CNOT4: variants seen among roughly 807,000 people sequenced by gnomAD.
CNOT4 encodes CCR4-associated factor 4.
CNOT4 carries 8 observed loss-of-function variants against 73.8 expected under a neutral mutation model. That is an observed-to-expected ratio of 0.11 (90% CI 0.06 to 0.20). The LOEUF is 0.20. Ranked by LOEUF, CNOT4 falls within the 10% of genes least tolerant of loss-of-function variation. The probability of loss-of-function intolerance (pLI) is 1.00; values close to 1 mark genes in which losing one functional copy is unlikely to be tolerated. For synonymous variants in CNOT4, 293 were observed against 321.1 expected (o/e 0.91, Z 0.94); for missense variants, 564 against 883.4 (o/e 0.64, Z 4.58).
chr7:135,481,998 G>T (rs1461236041), intron 1 of CNOT4, among the ~76,000 whole-genome samples: 1 of 152,116 alleles, frequency 6.6e-6, no homozygotes, highest in Non-Finnish European at 1.5e-5. Context: ...TCAAATAGAA[G>T]AAATAACTTC....
intron 2 of CNOT4, among the ~76,000 whole-genome samples, chr7:135,429,815 G>A (rs931802214): frequency 5.9e-5 from 9 of 152,138 alleles, no homozygotes; most frequent in African/African-American, 9.7e-5. Context: ...AAATAAGACC[G>A]ATGAATACCA....
intron 7 of CNOT4, among the ~76,000 whole-genome samples, chr7:135,409,466 A>T (rs1245502684): frequency 6.6e-6 from 1 of 152,110 alleles, no homozygotes; most frequent in Non-Finnish European, 1.5e-5. Flanking sequence ...TTTAGTTTTT[A>T]ATAATTTAAA....
intron 1 of CNOT4, among the ~76,000 whole-genome samples, chr7:135,462,502 G>A (rs1398129739): frequency 6.6e-6 from 1 of 152,174 alleles, no homozygotes; most frequent in African/African-American, 2.4e-5. Context: ...AAGACTGGAG[G>A]AGAGTTATCA....
chr7:135,462,385 G>T (rs1421963279), intron 1 of CNOT4, among the ~76,000 whole-genome samples: 1 of 151,946 alleles, frequency 6.6e-6, no homozygotes, highest in Non-Finnish European at 1.5e-5. Flanking sequence ...CCTTATTCTG[G>T]TCTACTCTAA....
At chr7:135,429,464 T>C (rs1798692790) in intron 2 of CNOT4, among the ~76,000 whole-genome samples, 1 of 152,210 alleles carries the variant, frequency 6.6e-6, no homozygotes, top group Non-Finnish European at 1.5e-5. Context: ...TTTACTACCA[T>C]ATCTCTAAAT....
At position 135,362,730 on chromosome 7, in the gene CNOT4, A is replaced by G. The variant is rs764226013; in HGVS notation, c.*155T>C. The G allele has an allele frequency of 1.6e-5, 13 of 792,890 alleles. No individual in the cohort carries two copies. The highest frequency in any genetic ancestry group is 2.5e-5 in the Non-Finnish European group (11 of 441,504). The allele number at this position is 792,890 out of a possible 1,614,324, so 49.1% of individuals were successfully genotyped here. On this transcript the variant is annotated 3_prime_UTR_variant, in exon 12 of 12. Coordinates refer to ENST00000541284, the MANE Select transcript of CNOT4 (RefSeq NM_001190850.2). Reference sequence around the variant, plus strand: ...ATAAAGAGATGGTAATGACCCTGTGATCGCATTGCATCTGGGGTTAGGGAG... The same window carrying G: ...ATAAAGAGATGGTAATGACCCTGTGGTCGCATTGCATCTGGGGTTAGGGAG...
chr7:135,453,861 G>A (rs1800354955), intron 1 of CNOT4, among the ~76,000 whole-genome samples: 1 of 94,448 alleles, frequency 1.1e-5, no homozygotes, highest in Non-Finnish European at 2.4e-5. Flanking sequence ...ATATATAGCT[G>A]GTACAGCAGC....
At position 135,510,097 on chromosome 7, in the gene CNOT4, T is replaced by G. The variant is rs1396078026; in HGVS notation, c.-301A>C. ...CCACCATCTTACATTAGGGTAAGAC[T>G]CCTCCGGCCTCCCGTGCGCAGGCGC... is the stretch of plus-strand genomic sequence containing the variant. On this transcript the variant is annotated 5_prime_UTR_variant, in exon 1 of 12. Transcript: ENST00000541284. 3 of 398,346 alleles carry G rather than the reference T, an allele frequency of 7.5e-6. No individual in the cohort carries two copies. The highest frequency in any genetic ancestry group is 2.1e-5 in the African/African-American group (1 of 48,516). 24.7% of individuals were successfully genotyped at this position (398,346 alleles called of 1,614,324 possible).
chr7:135,449,442 G>T (rs746277016), intron 1 of CNOT4, among the ~76,000 whole-genome samples: 72 of 152,266 alleles, frequency 4.7e-4, no homozygotes, highest in South Asian at 8.3e-4. Context: ...TTGGTTAAAA[G>T]TAATCCCTAG....
chr7:135,429,592 T>C (rs755473776), intron 2 of CNOT4, among the ~76,000 whole-genome samples: 1 of 152,184 alleles, frequency 6.6e-6, no homozygotes, highest in Non-Finnish European at 1.5e-5. Flanking sequence ...ACTTTCTAAT[T>C]TCTACCATAA....
chr7:135,369,240 C>A (rs2129482494), intron 10 of CNOT4, among the ~76,000 whole-genome samples: 1 of 152,286 alleles, frequency 6.6e-6, no homozygotes, highest in Middle Eastern at 3.4e-3. Flanking sequence ...ACATGTAAAA[C>A]AAGCCCCCAA....
intron 10 of CNOT4, among the ~76,000 whole-genome samples, chr7:135,366,657 A>G (rs1197220592): frequency 6.6e-6 from 1 of 152,220 alleles, no homozygotes; most frequent in Non-Finnish European, 1.5e-5. Context: ...GGAGCCTGAC[A>G]GCATGGATGT....
At chr7:135,483,723 C>T (rs1197231154) in intron 1 of CNOT4, among the ~76,000 whole-genome samples, 1 of 151,970 alleles carries the variant, frequency 6.6e-6, no homozygotes, top group Non-Finnish European at 1.5e-5. Flanking sequence ...ACTCGGGGGG[C>T]TGAGGTAGGA....
chr7:135,390,690 A>G (rs1233335977), intron 10 of CNOT4, among the ~76,000 whole-genome samples: 11 of 152,154 alleles, frequency 7.2e-5, no homozygotes, highest in Non-Finnish European at 1.6e-4. Context: ...GGTTTCAGAT[A>G]TATCAATCTT....
intron 2 of CNOT4, among the ~76,000 whole-genome samples, chr7:135,426,938 A>AG (rs1458683555): frequency 6.6e-6 from 1 of 151,662 alleles, no homozygotes; most frequent in African/African-American, 2.4e-5. Flanking sequence ...AAAAAAAAAA[A>AG]GGAAAAATAT....
In CNOT4 at chr7:135,414,422, G is replaced by A; in HGVS notation, c.470C>T (p.Ala157Val). The A allele has an allele frequency of 6.8e-7, 1 of 1,477,494 alleles. No individual in the cohort carries two copies. The highest frequency in any genetic ancestry group is 1.4e-5 in the African/African-American group (1 of 71,976). The allele number at this position is 1,477,494 out of a possible 1,614,324, so 91.5% of individuals were successfully genotyped here. A position where few individuals can be genotyped will look rare whatever the true frequency, so the allele number is the denominator to read the frequency against. Reference sequence around the variant, plus strand: ...CCGGATATAGGTTACATAAGCACTGGCACTTGGACCCTAAAGTGAAAACAT... The same window carrying A: ...CCGGATATAGGTTACATAAGCACTGACACTTGGACCCTAAAGTGAAAACAT... ...TSYAGSQGPS[A>V]SAYVTYIRSE... Residue 157 changes from alanine to valine, a missense_variant, in exon 5 of 12, where the codon GCC becomes GTC. Coordinates refer to ENST00000541284, the MANE Select transcript of CNOT4 (RefSeq NM_001190850.2).
chr7:135,434,093 G>C (rs1329246660), intron 2 of CNOT4, among the ~76,000 whole-genome samples: 28 of 152,144 alleles, frequency 1.8e-4, no homozygotes, highest in Admixed American at 1.8e-3. Flanking sequence ...AGTTTCTTCA[G>C]ATCATCTCAA....
chr7:135,440,970 T>A (rs1441927450), intron 1 of CNOT4, among the ~76,000 whole-genome samples: 5 of 151,730 alleles, frequency 3.3e-5, no homozygotes, highest in African/African-American at 1.2e-4. Flanking sequence ...TGTCCATTAA[T>A]AGGACAATCA....
intron 1 of CNOT4, among the ~76,000 whole-genome samples, chr7:135,461,097 T>C (rs1800846410): frequency 1.3e-5 from 2 of 152,216 alleles, no homozygotes; most frequent in Non-Finnish European, 2.9e-5. Flanking sequence ...TTAGATCACA[T>C]TCTACAAAGA....
Sources: gnomAD v4.1 joint callset for allele counts (sites outside exome capture counted in the v4.1 genomes callset) on GRCh38, gnomAD v4.1.1 for gene constraint, MANE v1.5 for transcripts, NCBI Gene and HGNC (gene_info 2026-07-23, HGNC 2026-07-21) for gene names.